Variants in LIN52 observed in about 807,000 individuals in gnomAD.
The protein encoded by LIN52 is lin-52 DREAM MuvB core complex component, also known as protein lin-52 homolog.
LIN52 carries 4 observed loss-of-function variants against 18.5 expected under a neutral mutation model. The observed-to-expected ratio is 0.22, with a 90% CI of 0.11 to 0.49. The LOEUF (loss-of-function observed/expected upper bound fraction) is 0.49. Among genes scored for constraint, LIN52 ranks in the 20% least tolerant of loss-of-function variants. The pLI, the probability that LIN52 is intolerant of heterozygous loss-of-function variation, is 0.97. For missense variants in LIN52, 102 were observed against 139.5 expected, an observed-to-expected ratio of 0.73 and a Z score of 1.35; for synonymous variants, 34 against 45.5, an observed-to-expected ratio of 0.75 and a Z score of 1.02.
At chr14:74,150,456 T>G (rs2139554872) in intron 5 of LIN52, among the ~76,000 whole-genome samples, 1 of 152,334 alleles carries the variant, frequency 6.6e-6, no homozygotes, top group East Asian at 1.9e-4. Context: ...CAGTTTCATT[T>G]CTATAAAGTT....
chr14:74,172,187 TG>T (rs1342284885), intron 5 of LIN52, among the ~76,000 whole-genome samples: 5 of 152,234 alleles, frequency 3.3e-5, no homozygotes, highest in African/African-American at 1.2e-4. Flanking sequence ...GTTACAGCAC[TG>T]TCATATTATA....
chr14:74,119,783 A>G (rs1193423727), intron 5 of LIN52, among the ~76,000 whole-genome samples: 3 of 150,422 alleles, frequency 2.0e-5, no homozygotes, highest in East Asian at 1.9e-4. Flanking sequence ...TGAAGTCCTT[A>G]TTAGTGTCTC....
chr14:74,107,025 G>T (rs188508112), intron 5 of LIN52, among the ~76,000 whole-genome samples: 5 of 152,158 alleles, frequency 3.3e-5, no homozygotes, highest in Admixed American at 2.0e-4. Context: ...TCTGACCCTC[G>T]CCGGATTACT....
chr14:74,113,668 G>A (rs1462603730), intron 5 of LIN52, among the ~76,000 whole-genome samples: 1 of 152,178 alleles, frequency 6.6e-6, no homozygotes, highest in Non-Finnish European at 1.5e-5. Flanking sequence ...CATGTGAAAT[G>A]TTCTTTAAAA....
intron 5 of LIN52, among the ~76,000 whole-genome samples, chr14:74,137,495 TCTC>T (rs1278594761): frequency 1.8e-5 from 2 of 109,342 alleles, no homozygotes; most frequent in Non-Finnish European, 3.6e-5. Context: ...TCACAGCAGC[TCTC>T]TTTTTTTTTT....
intron 5 of LIN52, among the ~76,000 whole-genome samples, chr14:74,167,099 C>A (rs900418717): frequency 7.1e-6 from 1 of 140,896 alleles, no homozygotes; most frequent in Admixed American, 7.5e-5. Context: ...GAGGCCAACA[C>A]TGGCCTCTGC....
chr14:74,161,535 T>A (rs778498134), intron 5 of LIN52, among the ~76,000 whole-genome samples: 1 of 152,188 alleles, frequency 6.6e-6, no homozygotes, highest in Admixed American at 6.5e-5. Flanking sequence ...TGAAAGGTGG[T>A]TAACTTCTGA....
rs1333214835 is a variant in LIN52, at chr14:74,199,039, T to C, written c.*62T>C. 1 of 1,158,112 alleles carries C rather than the reference T, an allele frequency of 8.6e-7. No individual in the cohort carries two copies. Among genetic ancestry groups the C allele is most frequent in the African/African-American group, 1.5e-5 (1 of 65,912 alleles). The allele number at this position is 1,158,112 out of a possible 1,614,324, so 71.7% of individuals were successfully genotyped here. A position where few individuals can be genotyped will look rare whatever the true frequency, so the allele number is the denominator to read the frequency against. On this transcript the variant is annotated 3_prime_UTR_variant, in exon 6 of 6. Coordinates refer to ENST00000555028, the MANE Select transcript of LIN52 (RefSeq NM_001024674.3). ...CCAAGCTCCCTTCCCGGTGCACCTCTAACAATGCACACCTCACTGCTTGCT... is the reference window on the plus strand; with the variant it reads ...CCAAGCTCCCTTCCCGGTGCACCTCCAACAATGCACACCTCACTGCTTGCT...
intron 5 of LIN52, among the ~76,000 whole-genome samples, chr14:74,185,486 T>G (rs1431327982): frequency 6.6e-6 from 1 of 151,842 alleles, no homozygotes; most frequent in Non-Finnish European, 1.5e-5. Context: ...GCTAATTTTT[T>G]GTATTTTTAG....
chr14:74,090,664 G>A (rs2060767520), intron 1 of LIN52, among the ~76,000 whole-genome samples: 1 of 152,006 alleles, frequency 6.6e-6, no homozygotes, highest in Non-Finnish European at 1.5e-5. Flanking sequence ...CAGAAATTCT[G>A]CAACCAGCTT....
chr14:74,119,733 C>A (rs928525537), intron 5 of LIN52, among the ~76,000 whole-genome samples: 1 of 151,766 alleles, frequency 6.6e-6, no homozygotes, highest in East Asian at 1.9e-4. Context: ...GGTTGAGCAC[C>A]TTTTTGTATG....
intron 5 of LIN52, among the ~76,000 whole-genome samples, chr14:74,103,742 T>G (rs1348791796): frequency 5.1e-5 from 4 of 78,890 alleles, no homozygotes; most frequent in African/African-American, 1.9e-4. Flanking sequence ...AGTTTTTTTT[T>G]TTTTTTTTTT....
chr14:74,132,786 C>T (rs1595169182), intron 5 of LIN52, among the ~76,000 whole-genome samples: 6 of 152,188 alleles, frequency 3.9e-5, no homozygotes, highest in Admixed American at 3.3e-4. Context: ...GGATTACAGG[C>T]GTGAGCCACC....
At chr14:74,171,018 C>CAAAA (rs11424527) in intron 5 of LIN52, among the ~76,000 whole-genome samples, 2 of 123,610 alleles carry the variant, frequency 1.6e-5, no homozygotes, top group African/African-American at 2.9e-5. Context: ...CCGTCTGTAC[C>CAAAA]AAAAAAAAAA....
intron 1 of LIN52, 72 bp downstream of exon 1, chr14:74,085,065 T>G: frequency 2.4e-6 from 3 of 1,251,682 alleles, no homozygotes; most frequent in African/African-American, 1.5e-5. Flanking sequence ...ACTCTGTCTC[T>G]GCCCCTCGAA....
At chr14:74,190,910 C>T (rs2078871859) in intron 5 of LIN52, among the ~76,000 whole-genome samples, 1 of 152,220 alleles carries the variant, frequency 6.6e-6, no homozygotes, top group Non-Finnish European at 1.5e-5. Flanking sequence ...GACCCGTCCT[C>T]ATCCAGTGAC....
intron 5 of LIN52, among the ~76,000 whole-genome samples, chr14:74,191,637 CTTTT>C (rs535302894): frequency 7.0e-6 from 1 of 142,372 alleles, no homozygotes. Context: ...TTCTTTCTTT[CTTTT>C]TTTTTTTTTT....
chr14:74,128,427 A>T (rs1270597785), intron 5 of LIN52, among the ~76,000 whole-genome samples: 1 of 152,158 alleles, frequency 6.6e-6, no homozygotes, highest in Non-Finnish European at 1.5e-5. Context: ...AGAAAGAACC[A>T]TCCAAAAGGA....
chr14:74,137,496 C>CTTTTTTTTTTTTTTTTT (rs1409995305), intron 5 of LIN52, among the ~76,000 whole-genome samples: 1 of 85,544 alleles, frequency 1.2e-5, no homozygotes, highest in African/African-American at 5.1e-5. Context: ...CACAGCAGCT[C>CTTTTTTTTTTTTTTTTT]TCTTTTTTTT....
Sources: gnomAD v4.1 joint callset for allele counts (sites outside exome capture counted in the v4.1 genomes callset) on GRCh38, gnomAD v4.1.1 for gene constraint, MANE v1.5 for transcripts, NCBI Gene and HGNC (gene_info 2026-07-23, HGNC 2026-07-21) for gene names.